The following CACNB2 variants were observed in gnomAD, a reference collection of about 807,000 sequenced individuals.
The protein encoded by CACNB2 is voltage-dependent L-type calcium channel subunit beta-2.
In CACNB2, 42 loss-of-function variants were observed where a neutral mutation model predicts 73.3. That is an observed-to-expected ratio of 0.57 (90% CI 0.45 to 0.74). CACNB2 has a LOEUF of 0.74. Ranked by LOEUF, CACNB2 falls within the 30% of genes least tolerant of loss-of-function variation. The pLI is 0.00. For missense variants in CACNB2, 940 were observed against 853.0 expected (o/e 1.10, Z -1.27); for synonymous variants, 348 against 310.3 (o/e 1.12, Z -1.28).
At chr10:18,377,281 A>C (rs1359285288) in intron 2 of CACNB2, among the ~76,000 whole-genome samples, 1 of 152,228 alleles carries the variant, frequency 6.6e-6, no homozygotes, top group Admixed American at 6.5e-5. Flanking sequence ...TTATAGAAAG[A>C]AGAATTGGAG....
chr10:18,334,536 A>C (rs1257632427), intron 2 of CACNB2, among the ~76,000 whole-genome samples: 1 of 152,216 alleles, frequency 6.6e-6, no homozygotes, highest in Non-Finnish European at 1.5e-5. Context: ...GCTTTGACAT[A>C]AAGGGCACCT....
chr10:18,491,279 G>T (rs991691832), intron 3 of CACNB2, among the ~76,000 whole-genome samples: 1 of 152,216 alleles, frequency 6.6e-6, no homozygotes. Context: ...CCATGATGCT[G>T]GAAAACCATA....
intron 2 of CACNB2, among the ~76,000 whole-genome samples, chr10:18,188,475 G>T (rs191527246): frequency 6.6e-6 from 1 of 152,132 alleles, no homozygotes; most frequent in East Asian, 1.9e-4. Context: ...AACATGCCTG[G>T]CTATTTTTTT....
At chr10:18,355,314 T>C (rs2041863584) in intron 2 of CACNB2, among the ~76,000 whole-genome samples, 1 of 152,202 alleles carries the variant, frequency 6.6e-6, no homozygotes, top group Admixed American at 6.5e-5. Context: ...AAACATTACT[T>C]GTAGTTATTC....
chr10:18,444,697 C>T (rs558642002), intron 3 of CACNB2, among the ~76,000 whole-genome samples: 4 of 152,230 alleles, frequency 2.6e-5, no homozygotes, highest in South Asian at 2.1e-4. Flanking sequence ...TCTAGATTTC[C>T]GTAATTTGTA....
At position 18,266,676 on chromosome 10, in the gene CACNB2, G is replaced by A. The variant is rs554707907; in HGVS notation, c.213+115701G>A. On this transcript the variant is annotated intron_variant, in intron 2 of 13. Coordinates refer to ENST00000324631, the MANE Select transcript of CACNB2 (RefSeq NM_201596.3). ...GGCCGAGATGAGCAGATAACTTGAGGTCAGGAGTTCAGGACCAGCCTGGAC... is the reference window on the plus strand; with the variant it reads ...GGCCGAGATGAGCAGATAACTTGAGATCAGGAGTTCAGGACCAGCCTGGAC... Among the ~76,000 whole-genome samples the A allele has an allele frequency of 3.9e-5, 6 of 152,286 alleles. No individual in the cohort carries two copies. In the East Asian group the frequency reaches 9.7e-4, roughly 25 times the overall value.
intron 3 of CACNB2, among the ~76,000 whole-genome samples, chr10:18,471,069 C>A (rs139102147): frequency 5.5e-4 from 83 of 152,268 alleles, no homozygotes; most frequent in African/African-American, 2.0e-3. Flanking sequence ...CTTTGGGAGG[C>A]CAAGGTGGGT....
chr10:18,160,987 A>C (rs1394273997), intron 2 of CACNB2, among the ~76,000 whole-genome samples: 1 of 152,168 alleles, frequency 6.6e-6, no homozygotes, highest in African/African-American at 2.4e-5. Flanking sequence ...GTCTGTTACA[A>C]AGACCTGAGT....
chr10:18,275,640 A>G (rs1171391580), intron 2 of CACNB2, among the ~76,000 whole-genome samples: 1 of 152,182 alleles, frequency 6.6e-6, no homozygotes, highest in Non-Finnish European at 1.5e-5. Flanking sequence ...AAAGAAAAAT[A>G]AAATTTATTT....
chr10:18,420,059 C>T, intron 3 of CACNB2, among the ~76,000 whole-genome samples: 1 of 152,142 alleles, frequency 6.6e-6, no homozygotes, highest in Non-Finnish European at 1.5e-5. Flanking sequence ...CAGGCGTGCC[C>T]AACCCCCTGG....
rs1564670076 is a variant in CACNB2, at chr10:18,536,195, C to CAGTA, written c.1302+3_1302+6dup. 1.3e-6 allele frequency: 2 copies of CAGTA among 1,507,682 alleles called. No homozygotes were observed. The highest frequency in any genetic ancestry group is 1.8e-6 in the Non-Finnish European group (2 of 1,097,972). 93.4% of individuals were successfully genotyped at this position (1,507,682 alleles called of 1,614,324 possible). A position where few individuals can be genotyped will look rare whatever the true frequency, so the allele number is the denominator to read the frequency against. On this transcript the variant is annotated frameshift_variant and splice_region_variant, in exon 12 of 14. Coordinates refer to ENST00000324631, the MANE Select transcript of CACNB2 (RefSeq NM_201596.3). LOFTEE classifies it high-confidence loss of function. ...GCTGATAAACTGGCTCAGTGTCCTCCAGTAAGTTATCTCTATATACAGCAT... is the reference window on the plus strand; with the variant it reads ...GCTGATAAACTGGCTCAGTGTCCTCCAGTAAGTAAGTTATCTCTATATACAGCAT...
chr10:18,470,341 A>G (rs1235252207), intron 3 of CACNB2, among the ~76,000 whole-genome samples: 2 of 149,168 alleles, frequency 1.3e-5, no homozygotes, highest in Non-Finnish European at 3.0e-5. Flanking sequence ...TGTATAGTAT[A>G]TATCATATAG....
At chr10:18,489,878 T>G (rs893804640) in intron 3 of CACNB2, among the ~76,000 whole-genome samples, 3 of 151,992 alleles carry the variant, frequency 2.0e-5, no homozygotes, top group African/African-American at 7.2e-5. Context: ...GGCCTTGGTG[T>G]TTTAGTTTCG....
chr10:18,425,470 C>T (rs543389242), intron 3 of CACNB2, among the ~76,000 whole-genome samples: 4 of 152,200 alleles, frequency 2.6e-5, no homozygotes, highest in African/African-American at 9.6e-5. Context: ...AATTTCAAAC[C>T]AGCCCGGACA....
intron 2 of CACNB2, among the ~76,000 whole-genome samples, chr10:18,249,943 A>G (rs774853140): frequency 6.6e-6 from 1 of 152,126 alleles, no homozygotes; most frequent in African/African-American, 2.4e-5. Context: ...AAATGGAGCA[A>G]TCATGTGAAT....
chr10:18,267,868 C>T (rs926612893), intron 2 of CACNB2, among the ~76,000 whole-genome samples: 4 of 152,194 alleles, frequency 2.6e-5, no homozygotes, highest in Non-Finnish European at 4.4e-5. Flanking sequence ...TCCGGGGCAG[C>T]GGCCCAGCCT....
intron 2 of CACNB2, among the ~76,000 whole-genome samples, chr10:18,163,726 A>C (rs1479711222): frequency 6.6e-6 from 1 of 152,192 alleles, no homozygotes. Context: ...GGAACTTTTC[A>C]AAATTAATAG....
intron 2 of CACNB2, among the ~76,000 whole-genome samples, chr10:18,198,730 T>G (rs1156580281): frequency 6.6e-6 from 1 of 152,188 alleles, no homozygotes; most frequent in African/African-American, 2.4e-5. Flanking sequence ...CACTTTTACT[T>G]CCACGCTTTC....
At chr10:18,146,217 T>G (rs1319163898) in intron 1 of CACNB2, among the ~76,000 whole-genome samples, 2 of 152,144 alleles carry the variant, frequency 1.3e-5, no homozygotes, top group Non-Finnish European at 2.9e-5. Context: ...TAGTTTTGGC[T>G]TTGTTTGTTT....
Sources: allele counts gnomAD v4.1 joint callset (sites outside exome capture counted in the v4.1 genomes callset), GRCh38; gene constraint gnomAD v4.1.1; transcripts MANE v1.5; gene names NCBI Gene and HGNC (gene_info 2026-07-23, HGNC 2026-07-21).